Variants in CAST observed in about 807,000 individuals in gnomAD.
CAST encodes the protein calpastatin.
A neutral mutation model predicts 119.6 loss-of-function variants in CAST; 76 were observed. The ratio of observed to expected loss-of-function variants is 0.64; its 90% CI spans 0.53 to 0.77. The LOEUF is 0.77. CAST is among the 30% of genes least tolerant of loss of function. The pLI, the probability that CAST is intolerant of heterozygous loss-of-function variation, is 0.00. For missense variants in CAST, 953 were observed against 946.5 expected, an observed-to-expected ratio of 1.01 and a Z score of -0.09; for synonymous variants, 319 against 331.6, an observed-to-expected ratio of 0.96 and a Z score of 0.41.
chr5:96,230,737 A>G, the CAST span, among the ~76,000 whole-genome samples: 1 of 152,162 alleles, frequency 6.6e-6, no homozygotes, highest in Non-Finnish European at 1.5e-5. Flanking sequence ...CAATATTTGT[A>G]AATGACATAT....
At chr5:96,094,330 G>C in the CAST span, among the ~76,000 whole-genome samples, 1 of 152,090 alleles carries the variant, frequency 6.6e-6, no homozygotes, top group Non-Finnish European at 1.5e-5. Flanking sequence ...TCATATATAT[G>C]ACTAAGGGAG....
At chr5:96,044,437 CT>C in the CAST span, among the ~76,000 whole-genome samples, 3 of 152,330 alleles carry the variant, frequency 2.0e-5, no homozygotes, top group Non-Finnish European at 4.4e-5. Flanking sequence ...GATACCAAAT[CT>C]GCCAGTGTCT....
At chr5:96,371,018 G>A in the CAST span, among the ~76,000 whole-genome samples, 1 of 152,068 alleles carries the variant, frequency 6.6e-6, no homozygotes, top group African/African-American at 2.4e-5. Context: ...AAGAACATCC[G>A]TTAGCAGATG....
intron 1 of CAST, among the ~76,000 whole-genome samples, chr5:96,551,058 TACAGAGAACACC>T (rs1452751740): frequency 2.0e-5 from 3 of 151,890 alleles, no homozygotes; most frequent in Non-Finnish European, 4.4e-5. Context: ...ATTCAGGAAA[TACAGAGAACACC>T]ACAAAGATAC....
At chr5:96,134,939 G>C in the CAST span, among the ~76,000 whole-genome samples, 12 of 152,276 alleles carry the variant, frequency 7.9e-5, no homozygotes, top group African/African-American at 2.9e-4. Context: ...CACAAGGAGG[G>C]ACATGGGAGC....
the CAST span, among the ~76,000 whole-genome samples, chr5:96,084,688 G>A: frequency 6.6e-6 from 1 of 152,240 alleles, no homozygotes; most frequent in African/African-American, 2.4e-5. Context: ...CTGGGAAGCA[G>A]GGACTGCTGA....
At chr5:96,113,189 A>G in the CAST span, among the ~76,000 whole-genome samples, 8 of 152,246 alleles carry the variant, frequency 5.3e-5, no homozygotes, top group African/African-American at 1.9e-4. Context: ...CTTAGAACTA[A>G]GACTTCAGGG....
the CAST span, among the ~76,000 whole-genome samples, chr5:96,127,704 C>T: frequency 6.6e-6 from 1 of 152,060 alleles, no homozygotes; most frequent in African/African-American, 2.4e-5. Context: ...AAAGCATTCT[C>T]CTTCCAAGCA....
the CAST span, among the ~76,000 whole-genome samples, chr5:96,192,790 A>G: frequency 6.6e-6 from 1 of 152,166 alleles, no homozygotes; most frequent in Non-Finnish European, 1.5e-5. Context: ...TGTTTCTGCC[A>G]TCTTTCTTCT....
the CAST span, chr5:96,393,260 A>G: frequency 6.2e-7 from 1 of 1,613,968 alleles, no homozygotes; most frequent in Non-Finnish European, 8.5e-7. Flanking sequence ...CAGGAGTCGC[A>G]GCATGGCCTG....
At chr5:96,425,467 A>G in the CAST span, among the ~76,000 whole-genome samples, 7 of 152,228 alleles carry the variant, frequency 4.6e-5, no homozygotes, top group African/African-American at 1.7e-4. Flanking sequence ...GAGTGCTTTA[A>G]AGGGTTCTGA....
At chr5:95,977,432 G>A in the CAST span, among the ~76,000 whole-genome samples, 1 of 152,178 alleles carries the variant, frequency 6.6e-6, no homozygotes, top group African/African-American at 2.4e-5. Flanking sequence ...CAATTAAGTT[G>A]TGCCGCATGT....
At chr5:96,135,926 T>C in the CAST span, among the ~76,000 whole-genome samples, 1 of 152,044 alleles carries the variant, frequency 6.6e-6, no homozygotes, top group Non-Finnish European at 1.5e-5. Context: ...CTGAGCGTAG[T>C]GGCACACACC....
chr5:95,968,458 C>T, the CAST span, among the ~76,000 whole-genome samples: 1 of 152,186 alleles, frequency 6.6e-6, no homozygotes, highest in Non-Finnish European at 1.5e-5. Flanking sequence ...GAAAGATTTA[C>T]AGTTGATATA....
chr5:96,339,244 C>A, the CAST span, among the ~76,000 whole-genome samples: 1 of 152,052 alleles, frequency 6.6e-6, no homozygotes, highest in Non-Finnish European at 1.5e-5. Flanking sequence ...ATATGTGACA[C>A]CAAGATAACA....
chr5:96,366,723 A>T, the CAST span, among the ~76,000 whole-genome samples: 1 of 152,072 alleles, frequency 6.6e-6, no homozygotes, highest in Non-Finnish European at 1.5e-5. Flanking sequence ...CTAGTTAGCC[A>T]CTCACCTAAT....
At chr5:96,485,986 T>C in the CAST span, among the ~76,000 whole-genome samples, 3 of 152,168 alleles carry the variant, frequency 2.0e-5, no homozygotes, top group African/African-American at 7.2e-5. Flanking sequence ...AGAAATTAGA[T>C]TGGTGGTCCC....
At chr5:96,748,993 GCTT>G (rs1231836290) in intron 19 of CAST, among the ~76,000 whole-genome samples, 2 of 152,052 alleles carry the variant, frequency 1.3e-5, no homozygotes, top group African/African-American at 4.8e-5. Context: ...TCATTCCTCT[GCTT>G]CTATCCCCAG....
At chr5:96,603,570 T>C (rs1054794334) in intron 1 of CAST, among the ~76,000 whole-genome samples, 4 of 152,146 alleles carry the variant, frequency 2.6e-5, no homozygotes, top group African/African-American at 4.8e-5. Flanking sequence ...TCTCCTATAA[T>C]AGCAATGCCT....
Sources: allele counts gnomAD v4.1 joint callset (sites outside exome capture counted in the v4.1 genomes callset), GRCh38; gene constraint gnomAD v4.1.1; transcripts MANE v1.5; gene names NCBI Gene and HGNC (gene_info 2026-07-23, HGNC 2026-07-21).